COL24A1: variants seen among roughly 807,000 people sequenced by gnomAD.
COL24A1 encodes the protein collagen alpha-1(XXIV) chain.
COL24A1 carries 224 observed loss-of-function variants against 253.9 expected under a neutral mutation model. The observed-to-expected ratio is 0.88, with a 90% confidence interval of 0.79 to 0.99. The LOEUF (loss-of-function observed/expected upper bound fraction) is 0.99. Among genes scored for constraint, COL24A1 ranks in the 50% least tolerant of loss-of-function variants. The pLI, the probability that COL24A1 is intolerant of heterozygous loss-of-function variation, is 0.00. For synonymous variants in COL24A1, 685 were observed against 673.7 expected (o/e 1.02, Z -0.26); for missense variants, 2,131 against 2,068.5 (o/e 1.03, Z -0.59).
intron 13 of COL24A1, 56 bp from the exon 14 acceptor site, chr1:86,031,978 T>C (rs1698610301): frequency 2.9e-6 from 4 of 1,400,500 alleles, no homozygotes; most frequent in Non-Finnish European, 4.0e-6. Flanking sequence ...CTACTAAGGG[T>C]ATTTCTGAAG....
At chr1:86,140,710 G>T (rs1473347603) in intron 2 of COL24A1, among the ~76,000 whole-genome samples, 1 of 152,200 alleles carries the variant, frequency 6.6e-6, no homozygotes, top group Non-Finnish European at 1.5e-5. Flanking sequence ...GAGAAGTGTT[G>T]TAGCTATGCC....
chr1:86,100,697 A>G (rs1036414544), intron 5 of COL24A1, among the ~76,000 whole-genome samples: 18 of 152,142 alleles, frequency 1.2e-4, no homozygotes, highest in African/African-American at 3.9e-4. Flanking sequence ...GGGAACTTTC[A>G]GCCCTACTTT....
At chr1:85,764,396 T>C (rs1443243231) in intron 53 of COL24A1, among the ~76,000 whole-genome samples, 2 of 151,000 alleles carry the variant, frequency 1.3e-5, no homozygotes, top group Admixed American at 1.3e-4. Context: ...AATAAGAACA[T>C]AAACTCTTCA....
At chr1:86,056,421 TCTC>T (rs1461616035) in intron 10 of COL24A1, among the ~76,000 whole-genome samples, 2 of 152,282 alleles carry the variant, frequency 1.3e-5, no homozygotes, top group Admixed American at 1.3e-4. Flanking sequence ...ACAGGCCTGT[TCTC>T]CTACATCACA....
rs751365270 is a variant in COL24A1 at position 85,841,232 on chromosome 1, C to T, written c.3617G>A (p.Arg1206Gln). 25 of 1,602,998 alleles carry T rather than the reference C, an allele frequency of 1.6e-5. No individual in the cohort carries two copies. In the South Asian group the frequency reaches 2.5e-4, roughly 16 times the overall value. Reference protein sequence around the residue: ...DSTVLGPPGPRGEPGPVGDQG... With the variant: ...DSTVLGPPGPQGEPGPVGDQG... ...CAGAAAAAGACCTACTGGTTCACCT[C>T]GAGGCCCAGGTGGTCCTAGGACTGT... Residue 1206 changes from arginine to glutamine, a missense_variant, in exon 42 of 60, where the codon CGA (arginine) becomes CAA (glutamine). Arg to Gln is a conservative substitution (Grantham distance 43). Transcript: ENST00000370571.
intron 2 of COL24A1, among the ~76,000 whole-genome samples, chr1:86,140,421 T>C (rs1392660423): frequency 6.6e-6 from 1 of 152,216 alleles, no homozygotes; most frequent in African/African-American, 2.4e-5. Flanking sequence ...AATTTATTTA[T>C]AAAATGAGAA....
chr1:85,802,849 GTC>G (rs1201712680), intron 47 of COL24A1, among the ~76,000 whole-genome samples: 9 of 152,002 alleles, frequency 5.9e-5, no homozygotes, highest in Non-Finnish European at 1.3e-4. Context: ...GTATCTTTTT[GTC>G]TGTTTTTTTC....
chr1:86,134,265 G>A (rs9662738), intron 2 of COL24A1, among the ~76,000 whole-genome samples: 143,495 of 149,088 alleles, frequency 0.96, 69,232 homozygotes, highest in Non-Finnish European at 1. Context: ...TCTTGCTGGC[G>A]GTTTATCAAT....
intron 10 of COL24A1, among the ~76,000 whole-genome samples, chr1:86,051,234 T>C (rs768434365): frequency 2.0e-5 from 3 of 152,116 alleles, no homozygotes; most frequent in Non-Finnish European, 2.9e-5. Context: ...TTTATAAAGA[T>C]GCATATGAAA....
chr1:86,122,463 C>T (rs1375804400), intron 3 of COL24A1, among the ~76,000 whole-genome samples: 1 of 151,904 alleles, frequency 6.6e-6, no homozygotes, highest in Non-Finnish European at 1.5e-5. Context: ...AGAAATACTC[C>T]CAAATCTATA....
chr1:85,961,294 C>T lies in COL24A1; in HGVS notation c.2518-1G>A. 1 of 1,601,180 alleles carries T rather than the reference C, an allele frequency of 6.2e-7. No homozygotes were observed. The highest frequency in any genetic ancestry group is 8.5e-7 in the Non-Finnish European group (1 of 1,170,268). On this transcript the variant is annotated splice_acceptor_variant, in intron 23 of 59. Coordinates refer to ENST00000370571, the MANE Select transcript of COL24A1 (RefSeq NM_152890.7). LOFTEE classifies it high-confidence loss of function. Reference sequence around the variant, plus strand: ...TATTTCCTTGATCTCCTACTTCTCCCTGTCAAAAAAGAATATAAAGTTGCA... The same window carrying T: ...TATTTCCTTGATCTCCTACTTCTCCTTGTCAAAAAAGAATATAAAGTTGCA...
chr1:85,827,776 T>C (rs1270535891), intron 43 of COL24A1, among the ~76,000 whole-genome samples: 1 of 152,114 alleles, frequency 6.6e-6, no homozygotes, highest in Non-Finnish European at 1.5e-5. Context: ...TGATATCCCC[T>C]TTATCATTTT....
At chr1:85,843,630 C>T (rs1676858261) in intron 39 of COL24A1, among the ~76,000 whole-genome samples, 1 of 152,050 alleles carries the variant, frequency 6.6e-6, no homozygotes, top group Non-Finnish European at 1.5e-5. Flanking sequence ...TGCAGATGTG[C>T]AAGTAGTCTC....
At chr1:85,860,170 T>C (rs964219616) in intron 37 of COL24A1, among the ~76,000 whole-genome samples, 4 of 152,188 alleles carry the variant, frequency 2.6e-5, no homozygotes, top group Admixed American at 2.6e-4. Context: ...ACATATGTGA[T>C]AGTTACATGA....
chr1:85,875,341 A>C lies in COL24A1; in HGVS notation c.3031-11T>G. On this transcript the variant is annotated splice_polypyrimidine_tract_variant and intron_variant, in intron 33 of 59. Transcript: ENST00000370571. ...AGTGCCTGGAGGTCCCTACAAGAGA[A>C]TAATTTAACACATTACAAAGGCAAT... 1.2e-6 allele frequency: 2 copies of C among 1,610,932 alleles called. No homozygotes were observed. The highest frequency in any genetic ancestry group is 1.7e-6 in the Non-Finnish European group (2 of 1,177,234).
intron 24 of COL24A1, among the ~76,000 whole-genome samples, chr1:85,937,849 G>A (rs967374366): frequency 6.8e-5 from 10 of 147,246 alleles, no homozygotes; most frequent in African/African-American, 2.5e-4. Context: ...GAAAATGGGT[G>A]GCCTTCCCCA....
intron 2 of COL24A1, among the ~76,000 whole-genome samples, chr1:86,133,359 AT>A (rs1649625048): frequency 6.6e-6 from 1 of 152,174 alleles, no homozygotes; most frequent in Non-Finnish European, 1.5e-5. Context: ...CTCCTGCATG[AT>A]TGCCCTGGCC....
Position 86,156,322 on chromosome 1 carries a change from C to A in COL24A1, c.56+19G>T, listed in dbSNP as rs1244430634. 4 of 1,610,980 alleles carry A rather than the reference C, an allele frequency of 2.5e-6. No homozygotes were observed. Among genetic ancestry groups the A allele is most frequent in the Non-Finnish European group, 2.5e-6 (3 of 1,178,532 alleles). ...GGGTTGGTCTAACCCCTACCCTACC[C>A]GGCGGGTGGGCTACTTACGTTTTTG... is the stretch of plus-strand genomic sequence containing the variant. On this transcript the variant is annotated intron_variant, in intron 1 of 59. Transcript: ENST00000370571.
chr1:85,980,717 G>T (rs1156386710), intron 20 of COL24A1, among the ~76,000 whole-genome samples: 1 of 152,090 alleles, frequency 6.6e-6, no homozygotes, highest in Non-Finnish European at 1.5e-5. Flanking sequence ...GACCATCCTG[G>T]CTAACAAGGT....
Sources: allele counts gnomAD v4.1 joint callset (sites outside exome capture counted in the v4.1 genomes callset), GRCh38; gene constraint gnomAD v4.1.1; transcripts MANE v1.5; gene names NCBI Gene and HGNC (gene_info 2026-07-23, HGNC 2026-07-21).